CADPS: variants seen among roughly 807,000 people sequenced by gnomAD.
CADPS encodes calcium dependent secretion activator.
In CADPS, 57 loss-of-function variants were observed where a neutral mutation model predicts 167.3. The observed-to-expected ratio is 0.34, with a 90% CI of 0.28 to 0.42. The LOEUF (loss-of-function observed/expected upper bound fraction) is 0.42, where lower values mean the gene tolerates loss of function less well. Ranked by LOEUF, CADPS falls within the 20% of genes least tolerant of loss-of-function variation. The pLI is 1.00. For synonymous variants in CADPS, 676 were observed against 635.3 expected (o/e 1.06, Z -0.96); for missense variants, 1,414 against 1,738.1 (o/e 0.81, Z 3.32).
chr3:62,833,765 C>T (rs1274470201), intron 1 of CADPS, among the ~76,000 whole-genome samples: 1 of 152,076 alleles, frequency 6.6e-6, no homozygotes, highest in South Asian at 2.1e-4. Flanking sequence ...CCTCCACACC[C>T]CTTGCCCCAA....
intron 6 of CADPS, among the ~76,000 whole-genome samples, chr3:62,612,058 T>C (rs2061578017): frequency 6.6e-6 from 1 of 152,214 alleles, no homozygotes; most frequent in African/African-American, 2.4e-5. Context: ...ACTTAACAAA[T>C]ATTTTTGAGT....
In CADPS at chr3:62,810,676, C is replaced by T. The variant is rs554425545; in HGVS notation, c.442-44692G>A. ...TAATCCATGTCTTTGCATGCTAAGT[C>T]ATAGAAAACTGAATAGCTGTATCCT... On this transcript the variant is annotated intron_variant, in intron 1 of 29. Coordinates refer to ENST00000383710, the MANE Select transcript of CADPS (RefSeq NM_003716.4). Among the ~76,000 whole-genome samples, 406 of 152,284 alleles carry T rather than the reference C, an allele frequency of 2.7e-3. 2 individuals are homozygous for T. Among genetic ancestry groups the T allele is most frequent in the African/African-American group, 9.4e-3 (390 of 41,566 alleles).
chr3:62,413,297 A>G (rs1286292681), intron 28 of CADPS, among the ~76,000 whole-genome samples: 5 of 152,212 alleles, frequency 3.3e-5, no homozygotes, highest in African/African-American at 1.2e-4. Context: ...CATTGAAAGT[A>G]GGATCTAGAA....
chr3:62,765,723 T>C, intron 2 of CADPS, 148 bp downstream of exon 2: 1 of 521,876 alleles, frequency 1.9e-6, no homozygotes, highest in Non-Finnish European at 3.4e-6. Context: ...TGTTATTTCT[T>C]AACATTGTAA....
At chr3:62,599,281 T>A (rs2059343850) in intron 6 of CADPS, among the ~76,000 whole-genome samples, 2 of 151,680 alleles carry the variant, frequency 1.3e-5, no homozygotes, top group South Asian at 4.1e-4. Context: ...TCCACTGTAC[T>A]CACACTGTAT....
At chr3:62,463,475 A>G (rs528087815) in intron 26 of CADPS, among the ~76,000 whole-genome samples, 26 of 152,334 alleles carry the variant, frequency 1.7e-4, no homozygotes, top group African/African-American at 6.0e-4. Flanking sequence ...CTGAGGAATG[A>G]AACATTGTCT....
intron 1 of CADPS, among the ~76,000 whole-genome samples, chr3:62,863,580 A>T (rs2081190408): frequency 1.3e-5 from 2 of 152,200 alleles, no homozygotes; most frequent in Non-Finnish European, 2.9e-5. Context: ...AGGGATGTTA[A>T]GTGGCTTAAT....
chr3:62,611,476 A>G (rs2061491580), intron 6 of CADPS, among the ~76,000 whole-genome samples: 1 of 152,200 alleles, frequency 6.6e-6, no homozygotes, highest in Non-Finnish European at 1.5e-5. Context: ...CCCAGAAGCC[A>G]GAGTAATCCT....
chr3:62,800,364 T>C (rs756262786), intron 1 of CADPS, among the ~76,000 whole-genome samples: 49 of 152,136 alleles, frequency 3.2e-4, no homozygotes, highest in Non-Finnish European at 5.6e-4. Context: ...AAGGTCATCA[T>C]CCTAAGTGAA....
At chr3:62,716,330 A>T (rs1218425649) in intron 3 of CADPS, among the ~76,000 whole-genome samples, 1 of 152,178 alleles carries the variant, frequency 6.6e-6, no homozygotes, top group Non-Finnish European at 1.5e-5. Flanking sequence ...CTGAGATTAC[A>T]CGTGTGAGCC....
At chr3:62,678,916 A>G (rs910003451) in intron 3 of CADPS, among the ~76,000 whole-genome samples, 17 of 152,048 alleles carry the variant, frequency 1.1e-4, no homozygotes, top group African/African-American at 4.1e-4. Context: ...CCAGTTGTAT[A>G]TGAGAAGAAA....
chr3:62,846,800 A>G (rs976122277), intron 1 of CADPS, among the ~76,000 whole-genome samples: 2 of 152,030 alleles, frequency 1.3e-5, no homozygotes, highest in Non-Finnish European at 2.9e-5. Context: ...AGTAGCTGGT[A>G]TTACAGGTGA....
At chr3:62,696,929 T>A (rs1037202371) in intron 3 of CADPS, among the ~76,000 whole-genome samples, 2 of 152,198 alleles carry the variant, frequency 1.3e-5, no homozygotes, top group South Asian at 4.1e-4. Context: ...GGCTGACATA[T>A]GTACAGTACC....
chr3:62,865,385 T>TG (rs1553789851), intron 1 of CADPS, among the ~76,000 whole-genome samples: 1 of 110,150 alleles, frequency 9.1e-6, no homozygotes, highest in African/African-American at 3.4e-5. Flanking sequence ...ACTTAAGGAT[T>TG]AAAAAAAAAA....
At chr3:62,811,021 A>G (rs1276830141) in intron 1 of CADPS, among the ~76,000 whole-genome samples, 13 of 152,246 alleles carry the variant, frequency 8.5e-5, no homozygotes, top group Admixed American at 8.5e-4. Context: ...TTATGGAACC[A>G]GACTCTGTTT....
rs967722622 is a variant in CADPS at position 62,412,312 on chromosome 3, G to A, written c.3778-9127C>T. ...CACTGACGGAGGAGTCTGAGACAAC[G>A]TGCTACAACCAGTTTCAGAGACTAT... On this transcript the variant is annotated intron_variant, in intron 28 of 29. Transcript: ENST00000383710. The surrounding 1 kb of genome is among the most constrained non-coding windows in gnomAD (Gnocchi z 4.1). Among the ~76,000 whole-genome samples the A allele has an allele frequency of 3.4e-5, 2 of 59,490 alleles. No individual in the cohort carries two copies. Among genetic ancestry groups the A allele is most frequent in the African/African-American group, 8.8e-5 (2 of 22,758 alleles). The allele number at this position is 59,490 out of a possible 152,430, so 39.0% of individuals were successfully genotyped here. A position where few individuals can be genotyped will look rare whatever the true frequency, so the allele number is the denominator to read the frequency against.
At chr3:62,403,010 C>T (rs1045868234) in intron 29 of CADPS, 71 bp downstream of exon 29, 6 of 968,830 alleles carry the variant, frequency 6.2e-6, no homozygotes, top group Non-Finnish European at 9.6e-6. Context: ...GTTAAGCAAG[C>T]TTTGCAGCTT....
intron 22 of CADPS, among the ~76,000 whole-genome samples, chr3:62,481,145 CATAAT>C (rs1272868506): frequency 7.2e-5 from 11 of 152,170 alleles, no homozygotes; most frequent in South Asian, 2.1e-4. Context: ...TTGGAAAGTA[CATAAT>C]ATATTTTTTT....
chr3:62,753,783 A>G lies in CADPS; in HGVS notation c.556-10T>C. 6.2e-7 allele frequency: 1 copy of G among 1,606,464 alleles called. No individual in the cohort carries two copies. Among genetic ancestry groups the G allele is most frequent in the Non-Finnish European group, 8.5e-7 (1 of 1,175,348 alleles). ...CGCTCTTCAGGAACACCTGAGCAAG[A>G]ACAAGGCCAGGAAAGACAGTAGGAG... On this transcript the variant is annotated splice_polypyrimidine_tract_variant and intron_variant, in intron 2 of 29. Transcript: ENST00000383710. This position sits in a 1 kb window ranked among gnomAD's most constrained non-coding sequence, Gnocchi z 4.6.
Sources: gnomAD v4.1 joint callset for allele counts (sites outside exome capture counted in the v4.1 genomes callset) on GRCh38, gnomAD v4.1.1 for gene constraint, Gnocchi (gnomAD v3.1) non-coding constraint, MANE v1.5 for transcripts, NCBI Gene and HGNC (gene_info 2026-07-23, HGNC 2026-07-21) for gene names.